The following CNNM2 variants were observed in gnomAD, a reference collection of about 807,000 sequenced individuals.
CNNM2 encodes the protein cyclin and CBS domain divalent metal cation transport mediator 2.
A neutral mutation model predicts 66.9 loss-of-function variants in CNNM2; 12 were observed. The observed-to-expected ratio is 0.18, with a 90% CI of 0.11 to 0.29. CNNM2 has a LOEUF of 0.29. CNNM2 is among the 10% of genes least tolerant of loss of function. The pLI is 1.00. For synonymous variants in CNNM2, 557 were observed against 501.8 expected, an observed-to-expected ratio of 1.11 and a Z score of -1.47; for missense variants, 705 against 1,167.7, an observed-to-expected ratio of 0.60 and a Z score of 5.77.
chr10:102,959,518 A>G (rs1237171233), intron 1 of CNNM2, among the ~76,000 whole-genome samples: 2 of 152,206 alleles, frequency 1.3e-5, no homozygotes, highest in African/African-American at 4.8e-5. Context: ...TTTGCTTAAT[A>G]GCTGCATAAC....
intron 1 of CNNM2, among the ~76,000 whole-genome samples, chr10:103,048,823 G>A (rs994956678): frequency 1.3e-5 from 2 of 152,136 alleles, no homozygotes; most frequent in African/African-American, 4.8e-5. Flanking sequence ...ATGTACTCAG[G>A]TCAGGATTTA....
intron 1 of CNNM2, among the ~76,000 whole-genome samples, chr10:103,028,543 T>G (rs369269315): frequency 1.3e-5 from 2 of 152,050 alleles, no homozygotes; most frequent in Non-Finnish European, 2.9e-5. Context: ...CCAATAAGAG[T>G]TAAAATAATA....
At position 103,089,875 on chromosome 10, in the gene CNNM2, CGT is replaced by C; in HGVS notation, c.*12703_*12704del. On this transcript the variant is annotated 3_prime_UTR_variant, in exon 8 of 8. Transcript: ENST00000369878. ...GGAGACTCCATCTCATTGATATCTA[CGT>C]GTGTGTGCTCCACCGTTGATTCATG... is the stretch of plus-strand genomic sequence containing the variant. 2 of 1,612,046 alleles carry C rather than the reference CGT, an allele frequency of 1.2e-6. No homozygotes were observed. Among genetic ancestry groups the C allele is most frequent in the Non-Finnish European group, 1.7e-6 (2 of 1,178,894 alleles).
Position 102,961,064 on chromosome 10 carries a change from T to G in CNNM2, c.1621+40963T>G, listed in dbSNP as rs1032039027. Among the ~76,000 whole-genome samples the G allele has an allele frequency of 5.9e-5, 9 of 151,978 alleles. No homozygotes were observed. In the East Asian group the frequency reaches 1.7e-3, roughly 30 times the overall value. On this transcript the variant is annotated intron_variant, in intron 1 of 7. Transcript: ENST00000369878. ...AGCTAATTTTTGTATCTTCAGTAGATACGGGGTTTCACCGTGTTGGCCAGG... is the reference window on the plus strand; with the variant it reads ...AGCTAATTTTTGTATCTTCAGTAGAGACGGGGTTTCACCGTGTTGGCCAGG...
intron 1 of CNNM2, among the ~76,000 whole-genome samples, chr10:102,928,836 C>A (rs1292886757): frequency 6.6e-6 from 1 of 152,222 alleles, no homozygotes; most frequent in Non-Finnish European, 1.5e-5. Flanking sequence ...TAAGTGTCAA[C>A]ATGAAATTTT....
At chr10:103,049,101 C>G (rs2065176000) in intron 1 of CNNM2, among the ~76,000 whole-genome samples, 1 of 152,158 alleles carries the variant, frequency 6.6e-6, no homozygotes, top group Admixed American at 6.5e-5. Context: ...CCGCCCGGGC[C>G]TCCCAAAGCT....
At chr10:102,951,965 G>A (rs531206286) in intron 1 of CNNM2, among the ~76,000 whole-genome samples, 3 of 152,094 alleles carry the variant, frequency 2.0e-5, no homozygotes, top group Non-Finnish European at 2.9e-5. Flanking sequence ...CACCACACCC[G>A]GCTAATTTTG....
At chr10:103,000,242 C>CAAACAAAT (rs1048451613) in intron 1 of CNNM2, among the ~76,000 whole-genome samples, 3 of 146,302 alleles carry the variant, frequency 2.1e-5, no homozygotes, top group Admixed American at 1.4e-4. Context: ...GTCTCAAAAA[C>CAAACAAAT]AAATAAATAA....
intron 1 of CNNM2, among the ~76,000 whole-genome samples, chr10:102,968,734 G>T (rs899119873): frequency 6.6e-6 from 1 of 151,718 alleles, no homozygotes; most frequent in African/African-American, 2.4e-5. Flanking sequence ...GCACTGAGTA[G>T]CTGGGACTAC....
chr10:103,052,365 C>T (rs1239072047), intron 2 of CNNM2, among the ~76,000 whole-genome samples: 1 of 151,438 alleles, frequency 6.6e-6, no homozygotes, highest in Non-Finnish European at 1.5e-5. Flanking sequence ...ATTAGGAAGG[C>T]GATTTACCAT....
At chr10:102,989,203 C>A (rs2063851140) in intron 1 of CNNM2, among the ~76,000 whole-genome samples, 1 of 152,164 alleles carries the variant, frequency 6.6e-6, no homozygotes, top group Non-Finnish European at 1.5e-5. Flanking sequence ...AAAACCCTGG[C>A]AAAATGTCAG....
intron 1 of CNNM2, among the ~76,000 whole-genome samples, chr10:102,995,631 A>G (rs2063983066): frequency 6.6e-6 from 1 of 151,994 alleles, no homozygotes; most frequent in African/African-American, 2.4e-5. Context: ...CCCCTAGTTT[A>G]CAAGTACTAA....
chr10:103,076,574 G>A (rs150026172), intron 7 of CNNM2, among the ~76,000 whole-genome samples: 13 of 152,322 alleles, frequency 8.5e-5, no homozygotes, highest in Middle Eastern at 3.4e-3. Flanking sequence ...TCCTGGGTGC[G>A]TGGCTCCCTG....
chr10:103,029,418 G>T (rs2064778554), intron 1 of CNNM2, among the ~76,000 whole-genome samples: 1 of 151,788 alleles, frequency 6.6e-6, no homozygotes, highest in Non-Finnish European at 1.5e-5. Flanking sequence ...GAGCTGAGAT[G>T]GTGCCACTGC....
At chr10:102,981,984 G>T (rs2063728010) in intron 1 of CNNM2, among the ~76,000 whole-genome samples, 1 of 151,744 alleles carries the variant, frequency 6.6e-6, no homozygotes, top group African/African-American at 2.4e-5. Flanking sequence ...TAACAGTGGA[G>T]GGCAAATGGA....
At chr10:102,936,886 A>G (rs926592410) in intron 1 of CNNM2, among the ~76,000 whole-genome samples, 1 of 152,162 alleles carries the variant, frequency 6.6e-6, no homozygotes, top group South Asian at 2.1e-4. Context: ...AACCTGAACC[A>G]CTCATTGAGG....
In CNNM2 at chr10:103,039,185, G is replaced by T. The variant is rs2064995011; in HGVS notation, c.1622-10522G>T. 2.6e-5 allele frequency among the ~76,000 whole-genome samples: 4 copies of T among 151,798 alleles called. No individual in the cohort carries two copies. The South Asian group carries it at 8.3e-4, about 32-fold the overall frequency. On this transcript the variant is annotated intron_variant, in intron 1 of 7. Transcript: ENST00000369878. ...TTTGAGATGGAGTCTCGCTCTGTCA[G>T]CCAGGCTGGAATGCATGGCGTGATC...
intron 1 of CNNM2, among the ~76,000 whole-genome samples, chr10:103,018,517 CAAATG>C (rs1329856497): frequency 1.3e-5 from 2 of 151,838 alleles, no homozygotes; most frequent in Non-Finnish European, 2.9e-5. Flanking sequence ...GATCATTACT[CAAATG>C]AAGAAGTATA....
chr10:102,974,709 A>T (rs183651083), intron 1 of CNNM2, among the ~76,000 whole-genome samples: 2 of 151,736 alleles, frequency 1.3e-5, no homozygotes, highest in Non-Finnish European at 2.9e-5. Context: ...AACTTTTAAA[A>T]TTTTTTTCAT....
Sources: allele counts gnomAD v4.1 joint callset (sites outside exome capture counted in the v4.1 genomes callset), GRCh38; gene constraint gnomAD v4.1.1; transcripts MANE v1.5; gene names NCBI Gene and HGNC (gene_info 2026-07-23, HGNC 2026-07-21).